Variants in CDH12 observed in about 807,000 individuals in gnomAD.
CDH12 encodes the protein cadherin-12.
In CDH12, 41 loss-of-function variants were observed where a neutral mutation model predicts 74.1. That is an observed-to-expected ratio of 0.55 (90% CI 0.43 to 0.72). CDH12 has a LOEUF of 0.72. Ranked by LOEUF, CDH12 falls within the 30% of genes least tolerant of loss-of-function variation. The pLI is 0.00. For synonymous variants in CDH12, 399 were observed against 355.0 expected (o/e 1.12, Z -1.39); for missense variants, 945 against 977.2 (o/e 0.97, Z 0.44).
intron 4 of CDH12, among the ~76,000 whole-genome samples, chr5:22,135,544 T>C (rs1269378438): frequency 6.6e-6 from 1 of 152,032 alleles, no homozygotes; most frequent in Non-Finnish European, 1.5e-5. Context: ...AAAATAGAAA[T>C]GTAAAGAGGA....
At chr5:22,336,023 C>G (rs2150449698) in intron 3 of CDH12, among the ~76,000 whole-genome samples, 1 of 152,172 alleles carries the variant, frequency 6.6e-6, no homozygotes, top group South Asian at 2.1e-4. Context: ...AAGGTCCAAG[C>G]TGAGGTGGTT....
At chr5:22,685,733 C>CT (rs1290412667) in intron 1 of CDH12, among the ~76,000 whole-genome samples, 12 of 152,136 alleles carry the variant, frequency 7.9e-5, no homozygotes, top group Non-Finnish European at 1.6e-4. Context: ...ATCATTCTTT[C>CT]TTTTTTATTG....
intron 7 of CDH12, among the ~76,000 whole-genome samples, chr5:21,845,555 C>CTT (rs11437870): frequency 0.18 from 24,169 of 133,582 alleles, 2,385 homozygotes; most frequent in East Asian, 0.39. Context: ...CCACTTTAGT[C>CTT]TTTTTTTTTT....
At chr5:22,021,008 T>C (rs557442344) in intron 5 of CDH12, among the ~76,000 whole-genome samples, 1 of 152,316 alleles carries the variant, frequency 6.6e-6, no homozygotes, top group Admixed American at 6.5e-5. Flanking sequence ...TGGTACAGAC[T>C]GAAGATTCCT....
intron 3 of CDH12, among the ~76,000 whole-genome samples, chr5:22,227,361 GATAA>G (rs1752231834): frequency 6.6e-6 from 1 of 152,030 alleles, no homozygotes; most frequent in Middle Eastern, 3.2e-3. Flanking sequence ...AGTTTTCACA[GATAA>G]ATAAAGTCCC....
chr5:22,135,187 T>A (rs1221118681), intron 4 of CDH12, among the ~76,000 whole-genome samples: 2 of 141,204 alleles, frequency 1.4e-5, no homozygotes, highest in Non-Finnish European at 3.0e-5. Flanking sequence ...GTTATTCACA[T>A]TAAAGAGGCT....
At chr5:21,978,217 C>T (rs1292128319) in intron 5 of CDH12, among the ~76,000 whole-genome samples, 4 of 152,166 alleles carry the variant, frequency 2.6e-5, no homozygotes, top group Non-Finnish European at 5.9e-5. Flanking sequence ...TCTCGGCTCA[C>T]TGCAACCTCC....
At chr5:22,633,434 T>A (rs1738681635) in intron 1 of CDH12, among the ~76,000 whole-genome samples, 1 of 152,158 alleles carries the variant, frequency 6.6e-6, no homozygotes. Context: ...ATGGTTAGTT[T>A]TATATGTCAA....
intron 3 of CDH12, among the ~76,000 whole-genome samples, chr5:22,226,829 T>C (rs1224761294): frequency 6.6e-6 from 1 of 152,148 alleles, no homozygotes; most frequent in African/African-American, 2.4e-5. Flanking sequence ...TGGTTAATTA[T>C]GTGAATGCAG....
intron 1 of CDH12, among the ~76,000 whole-genome samples, chr5:22,742,761 AATAGAT>A (rs1279176853): frequency 6.6e-5 from 10 of 150,406 alleles, no homozygotes; most frequent in African/African-American, 2.4e-4. Flanking sequence ...ATTAATTTCA[AATAGAT>A]ATAAACACAT....
intron 2 of CDH12, among the ~76,000 whole-genome samples, chr5:22,471,851 G>T (rs555250108): frequency 6.6e-6 from 1 of 152,076 alleles, no homozygotes; most frequent in Non-Finnish European, 1.5e-5. Flanking sequence ...AGATTGTGTT[G>T]CTGGATCTGT....
intron 6 of CDH12, among the ~76,000 whole-genome samples, chr5:21,872,422 C>T (rs1172193567): frequency 1.3e-5 from 2 of 152,160 alleles, no homozygotes; most frequent in East Asian, 1.9e-4. Context: ...AATACAAATG[C>T]TAATGCCTGC....
chr5:22,341,438 C>T (rs879925422), intron 3 of CDH12, among the ~76,000 whole-genome samples: 4 of 152,104 alleles, frequency 2.6e-5, no homozygotes, highest in African/African-American at 7.2e-5. Flanking sequence ...ATAAGGAATG[C>T]CATTTGGACT....
chr5:22,198,827 C>G (rs1182216686), intron 4 of CDH12, among the ~76,000 whole-genome samples: 6 of 152,092 alleles, frequency 3.9e-5, no homozygotes, highest in South Asian at 2.1e-4. Context: ...GAATCACCCT[C>G]TTTACCAATC....
At chr5:22,302,506 G>A (rs557260974) in intron 3 of CDH12, among the ~76,000 whole-genome samples, 13 of 152,210 alleles carry the variant, frequency 8.5e-5, no homozygotes, top group South Asian at 4.1e-4. Context: ...AATTTAAACC[G>A]CTTGCAGGAA....
At chr5:22,780,003 C>A (rs1385607893) in intron 1 of CDH12, among the ~76,000 whole-genome samples, 1 of 152,134 alleles carries the variant, frequency 6.6e-6, no homozygotes, top group Non-Finnish European at 1.5e-5. Context: ...TTCTTTATAA[C>A]AGTGTAAAAA....
At chr5:22,186,410 T>C (rs1749949716) in intron 4 of CDH12, among the ~76,000 whole-genome samples, 1 of 152,240 alleles carries the variant, frequency 6.6e-6, no homozygotes, top group South Asian at 2.1e-4. Context: ...TGAAAATCTA[T>C]TCACATTTTG....
chr5:21,892,686 A>G (rs774905134), intron 6 of CDH12, among the ~76,000 whole-genome samples: 6 of 152,126 alleles, frequency 3.9e-5, no homozygotes, highest in Non-Finnish European at 7.4e-5. Context: ...TACCTACAAT[A>G]CTAAATCTTT....
At chr5:22,584,165 TC>T (rs1478030202) in intron 1 of CDH12, among the ~76,000 whole-genome samples, 2 of 152,108 alleles carry the variant, frequency 1.3e-5, no homozygotes, top group African/African-American at 4.8e-5. Context: ...AGTGGCACGA[TC>T]TCTGCTCACT....
Sources: allele counts gnomAD v4.1 joint callset (sites outside exome capture counted in the v4.1 genomes callset), GRCh38; gene constraint gnomAD v4.1.1; transcripts MANE v1.5; gene names NCBI Gene and HGNC (gene_info 2026-07-23, HGNC 2026-07-21).